The following CSRNP3 variants were observed in gnomAD, a reference collection of about 807,000 sequenced individuals.
CSRNP3 encodes the protein cysteine and serine rich nuclear protein 3, also known as cysteine/serine-rich nuclear protein 3.
A neutral mutation model predicts 48.0 loss-of-function variants in CSRNP3; 12 were observed. The observed-to-expected ratio is 0.25, with a 90% CI of 0.16 to 0.41. CSRNP3 has a LOEUF of 0.41. Ranked by LOEUF, CSRNP3 falls within the 10% of genes least tolerant of loss-of-function variation. The pLI is 1.00. For synonymous variants in CSRNP3, 263 were observed against 269.7 expected, an observed-to-expected ratio of 0.98 and a Z score of 0.24; for missense variants, 580 against 724.4, an observed-to-expected ratio of 0.80 and a Z score of 2.29.
intron 2 of CSRNP3, among the ~76,000 whole-genome samples, chr2:165,511,464 A>G (rs1319565374): frequency 1.3e-5 from 2 of 152,182 alleles, no homozygotes; most frequent in African/African-American, 4.8e-5. Flanking sequence ...TAAGTTGGTG[A>G]GAGGAAATGG....
intron 5 of CSRNP3, among the ~76,000 whole-genome samples, chr2:165,661,286 TAA>T (rs1051890667): frequency 6.6e-6 from 1 of 152,202 alleles, no homozygotes; most frequent in Non-Finnish European, 1.5e-5. Flanking sequence ...ATCGTAAATT[TAA>T]AATATCATTA....
Position 165,670,622 on chromosome 2 carries a change from T to G in CSRNP3, c.409-5690T>G, listed in dbSNP as rs181566340. ...ATCAGTTAAATGAATACAATGATAG[T>G]ATTTGCCTCATGAGATGTATATGAT... On this transcript the variant is annotated intron_variant, in intron 5 of 6. Transcript: ENST00000651982. Among the ~76,000 whole-genome samples the G allele has an allele frequency of 3.4e-3, 513 of 152,334 alleles. 3 individuals are homozygous for G. Among genetic ancestry groups the G allele is most frequent in the South Asian group, 0.021 (99 of 4,820 alleles).
intron 5 of CSRNP3, among the ~76,000 whole-genome samples, chr2:165,663,696 TG>T (rs1183664325): frequency 4.6e-5 from 7 of 152,198 alleles, no homozygotes; most frequent in African/African-American, 1.7e-4. Context: ...CTGATTAAAA[TG>T]TGGGGTATAT....
intron 3 of CSRNP3, among the ~76,000 whole-genome samples, chr2:165,525,349 T>C (rs1684717853): frequency 6.6e-6 from 1 of 152,156 alleles, no homozygotes; most frequent in Admixed American, 6.5e-5. Context: ...AAACATTTTC[T>C]CTCTGTCTGT....
intron 3 of CSRNP3, among the ~76,000 whole-genome samples, chr2:165,529,142 G>A (rs1247647705): frequency 6.6e-6 from 1 of 152,218 alleles, no homozygotes; most frequent in Admixed American, 6.5e-5. Flanking sequence ...AAATCAGAAT[G>A]AGATATTGCC....
chr2:165,535,316 C>CT (rs796304994), intron 3 of CSRNP3, among the ~76,000 whole-genome samples: 114 of 140,836 alleles, frequency 8.1e-4, no homozygotes, highest in South Asian at 1.3e-3. Flanking sequence ...TTAGCTTGTT[C>CT]TTTTTTTTTT....
intron 3 of CSRNP3, among the ~76,000 whole-genome samples, chr2:165,559,169 A>G (rs1214805191): frequency 6.6e-6 from 1 of 152,114 alleles, no homozygotes; most frequent in Non-Finnish European, 1.5e-5. Context: ...AGGAGTTTTT[A>G]TTTCTTCTGA....
chr2:165,523,592 T>C (rs1684691984), intron 3 of CSRNP3, among the ~76,000 whole-genome samples: 1 of 152,184 alleles, frequency 6.6e-6, no homozygotes, highest in African/African-American at 2.4e-5. Context: ...TATTTGACAT[T>C]GTTAACTACA....
chr2:165,665,250 T>C (rs1217070125), intron 5 of CSRNP3, among the ~76,000 whole-genome samples: 1 of 152,176 alleles, frequency 6.6e-6, no homozygotes, highest in East Asian at 1.9e-4. Flanking sequence ...TAGATGCCGT[T>C]ATCCTTCATT....
intron 5 of CSRNP3, among the ~76,000 whole-genome samples, chr2:165,675,613 G>C (rs559766444): frequency 6.6e-6 from 1 of 152,310 alleles, no homozygotes; most frequent in South Asian, 2.1e-4. Flanking sequence ...ACCATTTTGG[G>C]TGAGGGTTTG....
chr2:165,611,379 G>GTGTGTGTGTGTGTA (rs56146559), intron 4 of CSRNP3, among the ~76,000 whole-genome samples: 14,487 of 150,936 alleles, frequency 0.096, 949 homozygotes, highest in East Asian at 0.34. Context: ...GTGTGTGTGT[G>GTGTGTGTGTGTGTA]TATATACATA....
intron 5 of CSRNP3, among the ~76,000 whole-genome samples, chr2:165,674,352 T>C (rs1432511441): frequency 3.3e-5 from 5 of 152,026 alleles, no homozygotes; most frequent in Non-Finnish European, 7.4e-5. Context: ...GAGTGTATGT[T>C]AGGCAATTAT....
chr2:165,534,439 C>T (rs1018339888), intron 3 of CSRNP3, among the ~76,000 whole-genome samples: 7 of 151,804 alleles, frequency 4.6e-5, no homozygotes, highest in African/African-American at 1.7e-4. Flanking sequence ...AAATTCTTTA[C>T]AATACTTTTG....
intron 2 of CSRNP3, among the ~76,000 whole-genome samples, chr2:165,502,484 A>G (rs1684370728): frequency 6.6e-6 from 1 of 152,044 alleles, no homozygotes; most frequent in African/African-American, 2.4e-5. Flanking sequence ...TTCCACCAAT[A>G]TGATTATTGC....
At chr2:165,626,720 A>G (rs965198) in intron 4 of CSRNP3, among the ~76,000 whole-genome samples, 152,293 of 152,344 alleles carry the variant, frequency 1, 76,121 homozygotes, top group Middle Eastern at 1. Context: ...CAGTGGCCAA[A>G]TGACTTCACC....
At chr2:165,673,498 G>A (rs555457859) in intron 5 of CSRNP3, among the ~76,000 whole-genome samples, 1 of 152,056 alleles carries the variant, frequency 6.6e-6, no homozygotes, top group Non-Finnish European at 1.5e-5. Flanking sequence ...TAGTATGCAG[G>A]AATAAGAGAT....
At chr2:165,665,955 G>A (rs1293318244) in intron 5 of CSRNP3, among the ~76,000 whole-genome samples, 2 of 126,514 alleles carry the variant, frequency 1.6e-5, no homozygotes, top group African/African-American at 3.0e-5. Context: ...AAGGAAGGAC[G>A]GAAGGAAAGA....
At chr2:165,525,957 T>G (rs1684727343) in intron 3 of CSRNP3, among the ~76,000 whole-genome samples, 2 of 152,242 alleles carry the variant, frequency 1.3e-5, no homozygotes, top group African/African-American at 4.8e-5. Context: ...CTTATGTGCT[T>G]ACGGACATCC....
chr2:165,529,582 C>T (rs1684785603), intron 3 of CSRNP3, among the ~76,000 whole-genome samples: 1 of 152,292 alleles, frequency 6.6e-6, no homozygotes. Context: ...AACTAATTCA[C>T]TTGTATACTA....
Sources: gnomAD v4.1 joint callset for allele counts (sites outside exome capture counted in the v4.1 genomes callset) on GRCh38, gnomAD v4.1.1 for gene constraint, MANE v1.5 for transcripts, NCBI Gene and HGNC (gene_info 2026-07-23, HGNC 2026-07-21) for gene names.